MB21D2: variants seen among roughly 807,000 people sequenced by gnomAD.
The protein encoded by MB21D2 is Mab-21 domain containing 2, also known as nucleotidyltransferase MB21D2.
In MB21D2, 9 loss-of-function variants were observed where a neutral mutation model predicts 33.3. The ratio of observed to expected loss-of-function variants is 0.27; its 90% CI spans 0.16 to 0.47. The LOEUF (loss-of-function observed/expected upper bound fraction) is 0.47. MB21D2 is among the 20% of genes least tolerant of loss of function. The pLI, the probability that MB21D2 is intolerant of heterozygous loss-of-function variation, is 0.99. For synonymous variants in MB21D2, 241 were observed against 236.3 expected (o/e 1.02, Z -0.18); for missense variants, 540 against 624.6 (o/e 0.86, Z 1.44).
intron 1 of MB21D2, among the ~76,000 whole-genome samples, chr3:192,856,836 A>G (rs1460654500): frequency 6.6e-6 from 1 of 152,184 alleles, no homozygotes; most frequent in Non-Finnish European, 1.5e-5. Flanking sequence ...TACAGGTGTG[A>G]GCCACTGTGC....
intron 1 of MB21D2, among the ~76,000 whole-genome samples, chr3:192,906,942 C>T (rs1177292121): frequency 6.6e-6 from 1 of 152,196 alleles, no homozygotes; most frequent in African/African-American, 2.4e-5. Context: ...ATACCAACTC[C>T]CACTACTGAC....
At chr3:192,808,617 G>T (rs1711716197) in intron 1 of MB21D2, among the ~76,000 whole-genome samples, 1 of 152,196 alleles carries the variant, frequency 6.6e-6, no homozygotes, top group African/African-American at 2.4e-5. Flanking sequence ...TCTTCAGCAG[G>T]GATGGAGTCT....
rs143522037 is a variant in MB21D2, at chr3:192,798,673, C to T, written c.1189G>A (p.Ala397Thr). The T allele has an allele frequency of 3.7e-6, 6 of 1,613,292 alleles. No individual in the cohort carries two copies. The highest frequency in any genetic ancestry group is 1.1e-5 in the South Asian group (1 of 91,072). Residue 397 changes from alanine to threonine, a missense_variant, in exon 2 of 2, where the codon GCC becomes ACC. Coordinates refer to ENST00000392452, the MANE Select transcript of MB21D2 (RefSeq NM_178496.4). The surrounding 1 kb of genome is among the most constrained non-coding windows in gnomAD (Gnocchi z 4.8). ...HLSEETVMLHARKLSSVRSDP... is the reference protein window; with the variant it reads ...HLSEETVMLHTRKLSSVRSDP... ...GAGCGCACAGAGGACAGCTTCCGGG[C>T]GTGAAGCATGACTGTCTCCTCAGAC...
At chr3:192,903,274 G>A (rs79926231) in intron 1 of MB21D2, among the ~76,000 whole-genome samples, 7 of 151,944 alleles carry the variant, frequency 4.6e-5, no homozygotes, top group South Asian at 2.1e-4. Context: ...CCTCCATTCC[G>A]CCCAAAAGTA....
chr3:192,829,380 A>G (rs1712263387), intron 1 of MB21D2, among the ~76,000 whole-genome samples: 1 of 152,234 alleles, frequency 6.6e-6, no homozygotes, highest in Non-Finnish European at 1.5e-5. Flanking sequence ...TCTCAGACGA[A>G]TACCTGGAAG....
chr3:192,851,125 A>G (rs559720988), intron 1 of MB21D2, among the ~76,000 whole-genome samples: 1 of 152,346 alleles, frequency 6.6e-6, no homozygotes, highest in East Asian at 1.9e-4. Context: ...CACACTCAAG[A>G]TATGGCTCCT....
intron 1 of MB21D2, among the ~76,000 whole-genome samples, chr3:192,865,764 T>G (rs985000836): frequency 6.6e-6 from 1 of 152,100 alleles, no homozygotes; most frequent in East Asian, 1.9e-4. Flanking sequence ...TCAGCCACCT[T>G]TAAGAAGTTG....
intron 1 of MB21D2, among the ~76,000 whole-genome samples, chr3:192,815,495 CCTCT>C (rs1711901538): frequency 6.6e-6 from 1 of 152,152 alleles, no homozygotes; most frequent in African/African-American, 2.4e-5. Flanking sequence ...ATTGAGTCTG[CCTCT>C]CTCTCAATTT....
At chr3:192,800,369 C>T (rs1711531205) in intron 1 of MB21D2, among the ~76,000 whole-genome samples, 1 of 152,124 alleles carries the variant, frequency 6.6e-6, no homozygotes, top group South Asian at 2.1e-4. Context: ...CATGAGCTAC[C>T]ACGCCCAGTC....
At chr3:192,888,404 T>C (rs1293464897) in intron 1 of MB21D2, among the ~76,000 whole-genome samples, 1 of 152,110 alleles carries the variant, frequency 6.6e-6, no homozygotes, top group Admixed American at 6.5e-5. Flanking sequence ...GTAAATTCCA[T>C]TAAAGAAATA....
chr3:192,807,550 G>T (rs1318535240), intron 1 of MB21D2, among the ~76,000 whole-genome samples: 2 of 152,134 alleles, frequency 1.3e-5, no homozygotes, highest in South Asian at 4.2e-4. Flanking sequence ...CCTTTCTCAC[G>T]TTGAGATGTA....
At chr3:192,897,844 T>A (rs1387130122) in intron 1 of MB21D2, among the ~76,000 whole-genome samples, 1 of 151,790 alleles carries the variant, frequency 6.6e-6, no homozygotes, top group Non-Finnish European at 1.5e-5. Flanking sequence ...ATACAAAAAT[T>A]AGCTGAGAGG....
In MB21D2 at chr3:192,878,517, T is replaced by C. The variant is rs181365151; in HGVS notation, c.211+39113A>G. 9.4e-4 allele frequency among the ~76,000 whole-genome samples: 143 copies of C among 152,308 alleles called. 1 individual carries two copies. The highest frequency in any genetic ancestry group is 3.3e-3 in the African/African-American group (138 of 41,566). ...GTCTAGTTTGCCCTTTCATGAAAAA[T>C]TAACTTTTTTATAGCCCTAAAAAAC... On this transcript the variant is annotated intron_variant, in intron 1 of 1. Coordinates refer to ENST00000392452, the MANE Select transcript of MB21D2 (RefSeq NM_178496.4).
intron 1 of MB21D2, among the ~76,000 whole-genome samples, chr3:192,901,706 C>T (rs750225131): frequency 1.3e-5 from 2 of 152,192 alleles, no homozygotes; most frequent in African/African-American, 4.8e-5. Flanking sequence ...ACTCACAGCA[C>T]TAAAGAGGCC....
At chr3:192,900,671 G>A (rs890301653) in intron 1 of MB21D2, among the ~76,000 whole-genome samples, 3 of 151,864 alleles carry the variant, frequency 2.0e-5, no homozygotes, top group South Asian at 2.1e-4. Flanking sequence ...GGCCGGGCGC[G>A]GTGGCTCACG....
chr3:192,815,345 A>G (rs1412291595), intron 1 of MB21D2, among the ~76,000 whole-genome samples: 2 of 152,188 alleles, frequency 1.3e-5, no homozygotes, highest in African/African-American at 4.8e-5. Context: ...TTGACTCTCA[A>G]TCCAGAACTC....
At chr3:192,884,695 CAA>C (rs1713694464) in intron 1 of MB21D2, among the ~76,000 whole-genome samples, 1 of 152,070 alleles carries the variant, frequency 6.6e-6, no homozygotes, top group African/African-American at 2.4e-5. Context: ...CCATCCTGAT[CAA>C]AGTCAAACAG....
chr3:192,847,303 A>G, intron 1 of MB21D2, among the ~76,000 whole-genome samples: 1 of 152,214 alleles, frequency 6.6e-6, no homozygotes, highest in East Asian at 1.9e-4. Flanking sequence ...TAAATCTGTC[A>G]CACCCAATCA....
Position 192,882,428 on chromosome 3 carries a change from G to A in MB21D2, c.211+35202C>T, listed in dbSNP as rs1352105109. ...GAACGTATATGCTCCTTTGCTAAAG[G>A]CAGTGACACTAAGGATAAGACAAAA... On this transcript the variant is annotated intron_variant, in intron 1 of 1. Coordinates refer to ENST00000392452, the MANE Select transcript of MB21D2 (RefSeq NM_178496.4). Among the ~76,000 whole-genome samples the A allele has an allele frequency of 2.0e-5, 3 of 152,014 alleles. No homozygotes were observed. In the East Asian group the frequency reaches 5.8e-4, roughly 29 times the overall value.
Sources: allele counts gnomAD v4.1 joint callset (sites outside exome capture counted in the v4.1 genomes callset), GRCh38; gene constraint gnomAD v4.1.1; non-coding constraint Gnocchi (gnomAD v3.1); transcripts MANE v1.5; gene names NCBI Gene and HGNC (gene_info 2026-07-23, HGNC 2026-07-21).